Variants in TENM4 observed in about 807,000 individuals in gnomAD.
The protein encoded by TENM4 is teneurin transmembrane protein 4.
Under a neutral mutation model 243.3 loss-of-function variants are expected in TENM4, and 82 were observed. That is an observed-to-expected ratio of 0.34 (90% CI 0.28 to 0.40). TENM4 has a LOEUF of 0.40. Among genes scored for constraint, TENM4 ranks in the 10% least tolerant of loss-of-function variants. TENM4 has a pLI of 1.00. For missense variants in TENM4, 3,138 were observed against 3,673.3 expected (o/e 0.85, Z 3.77); for synonymous variants, 1,412 against 1,456.3 (o/e 0.97, Z 0.69).
chr11:78,948,436 G>A (rs1206205773), intron 6 of TENM4, among the ~76,000 whole-genome samples: 1 of 148,550 alleles, frequency 6.7e-6, no homozygotes. Context: ...TGCAGTGGCA[G>A]TGATCTCGGC....
At chr11:78,742,889 C>G (rs2135916527) in intron 19 of TENM4, among the ~76,000 whole-genome samples, 1 of 152,250 alleles carries the variant, frequency 6.6e-6, no homozygotes, top group Admixed American at 6.5e-5. Flanking sequence ...GTGGCAAGAG[C>G]ACTAGGCTGG....
At chr11:79,311,776 G>C (rs1394912294) in intron 1 of TENM4, among the ~76,000 whole-genome samples, 3 of 152,126 alleles carry the variant, frequency 2.0e-5, no homozygotes, top group African/African-American at 7.2e-5. Flanking sequence ...CTTTGCTCAT[G>C]CTCTTCCTCT....
intron 6 of TENM4, among the ~76,000 whole-genome samples, chr11:78,940,957 C>CT (rs1235489892): frequency 6.6e-6 from 1 of 152,206 alleles, no homozygotes; most frequent in Non-Finnish European, 1.5e-5. Context: ...TCACCTGAGC[C>CT]TTTTTGCCTG....
At chr11:79,380,973 T>C (rs1056038027) in intron 1 of TENM4, among the ~76,000 whole-genome samples, 5 of 152,116 alleles carry the variant, frequency 3.3e-5, no homozygotes, top group Admixed American at 6.5e-5. Context: ...AACTTCCCTG[T>C]AGAATTCTTG....
intron 3 of TENM4, among the ~76,000 whole-genome samples, chr11:79,158,109 C>A (rs999793731): frequency 1.3e-5 from 2 of 152,190 alleles, no homozygotes; most frequent in Non-Finnish European, 2.9e-5. Flanking sequence ...GCTGCTTGCC[C>A]CTGCATCCTT....
intron 2 of TENM4, among the ~76,000 whole-genome samples, chr11:79,296,480 A>T (rs1300420178): frequency 1.3e-5 from 2 of 152,180 alleles, no homozygotes; most frequent in Non-Finnish European, 2.9e-5. Flanking sequence ...GGCGGAGAAA[A>T]CATTGCTTTC....
intron 3 of TENM4, among the ~76,000 whole-genome samples, chr11:79,161,149 C>G (rs1260254789): frequency 1.3e-5 from 2 of 152,176 alleles, no homozygotes; most frequent in African/African-American, 2.4e-5. Context: ...ATTTTATGTG[C>G]AAGAGAAACA....
In TENM4 at chr11:78,805,277, T is replaced by TCCCCACCCACCCCACCCC; in HGVS notation, c.2179+14_2179+15insGGGGTGGGGTGGGTGGGG. 1.4e-6 allele frequency: 2 copies of TCCCCACCCACCCCACCCC among 1,402,548 alleles called. No homozygotes were observed. Among genetic ancestry groups the TCCCCACCCACCCCACCCC allele is most frequent in the Middle Eastern group, 2.1e-4 (1 of 4,800 alleles). The allele number at this position is 1,402,548 out of a possible 1,614,324, so 86.9% of individuals were successfully genotyped here. A position where few individuals can be genotyped will look rare whatever the true frequency, so the allele number is the denominator to read the frequency against. ...CCCCTCCCTCTACCCATGCTTCTTC[T>TCCCCACCCACCCCACCCC]CCCCCTGCATTTACCGATAGAACAG... On this transcript the variant is annotated intron_variant, in intron 15 of 33. Transcript: ENST00000278550.
At chr11:78,804,670 C>T (rs1363421831) in intron 15 of TENM4, among the ~76,000 whole-genome samples, 1 of 152,194 alleles carries the variant, frequency 6.6e-6, no homozygotes, top group Non-Finnish European at 1.5e-5. Context: ...AGAACACATT[C>T]AATCATGTGT....
intron 4 of TENM4, among the ~76,000 whole-genome samples, chr11:79,080,498 G>A (rs997818349): frequency 1.3e-5 from 2 of 152,354 alleles, no homozygotes; most frequent in East Asian, 1.9e-4. Context: ...GGCAGGGAGA[G>A]GAAGATGATC....
chr11:79,404,556 T>G (rs1858528157), intron 1 of TENM4, among the ~76,000 whole-genome samples: 1 of 152,208 alleles, frequency 6.6e-6, no homozygotes, highest in African/African-American at 2.4e-5. Flanking sequence ...ACTGTGAATG[T>G]TTTAAACACC....
chr11:79,202,551 G>T (rs1199916564), intron 3 of TENM4, among the ~76,000 whole-genome samples: 1 of 152,234 alleles, frequency 6.6e-6, no homozygotes, highest in African/African-American at 2.4e-5. Flanking sequence ...AGCCTGCAAA[G>T]GTTCTCTGTC....
chr11:78,756,980 G>C lies in TENM4; in HGVS notation c.2581C>G (p.Pro861Ala). The C allele has an allele frequency of 8.7e-6, 14 of 1,613,970 alleles. No homozygotes were observed. The highest frequency in any genetic ancestry group is 1.2e-5 in the Non-Finnish European group (14 of 1,179,884). Reference protein sequence around the residue: ...DCMDPDCCLQPLCHINPLCLG... With the variant: ...DCMDPDCCLQALCHINPLCLG... ...CACAGCGGGTTGATATGGCACAGGGGCTGGAGGCAGCAGTCAGGGTCCATG... is the reference window on the plus strand; with the variant it reads ...CACAGCGGGTTGATATGGCACAGGGCCTGGAGGCAGCAGTCAGGGTCCATG... The change falls in exon 19 of 34, where the codon CCC becomes GCC. Residue 861 changes from proline (P) to alanine (A), a missense_variant. Pro to Ala is a conservative substitution (Grantham distance 27, BLOSUM62 -1). Transcript: ENST00000278550.
intron 9 of TENM4, among the ~76,000 whole-genome samples, chr11:78,866,759 A>T (rs58314532): frequency 0.012 from 1,834 of 152,330 alleles, 37 homozygotes; most frequent in African/African-American, 0.042. Flanking sequence ...CTCTGTATTC[A>T]ACTCCAACTT....
chr11:79,235,651 C>T (rs1397924540), intron 2 of TENM4, among the ~76,000 whole-genome samples: 1 of 152,170 alleles, frequency 6.6e-6, no homozygotes. Flanking sequence ...GCCTTAGTGT[C>T]AGCCTCCACA....
At chr11:79,402,044 A>C (rs760802299) in intron 1 of TENM4, 5 of 428,332 alleles carry the variant, frequency 1.2e-5, no homozygotes, top group Non-Finnish European at 2.1e-5. Context: ...AGAAGCTCAC[A>C]GTCTAGTTGT....
chr11:78,917,689 G>T (rs1312334111), intron 6 of TENM4, among the ~76,000 whole-genome samples: 4 of 152,144 alleles, frequency 2.6e-5, no homozygotes, highest in Non-Finnish European at 4.4e-5. Context: ...TTGAAGGCTT[G>T]CTGGGCTGCT....
rs144833830 is a variant in TENM4, at chr11:79,387,101, G to A, written c.-321+53408C>T. The stretch of plus-strand genomic sequence containing the variant: ...ATAAACTCCGACTCTATGGAGCAAC[G>A]TGGATAAATCTCACAAACACAATGT... On this transcript the variant is annotated intron_variant, in intron 1 of 33. Transcript: ENST00000278550. 5.8e-3 allele frequency among the ~76,000 whole-genome samples: 890 copies of A among 152,268 alleles called. 6 individuals are homozygous for A. Among genetic ancestry groups the A allele is most frequent in the Middle Eastern group, 0.01 (3 of 294 alleles).
intron 4 of TENM4, among the ~76,000 whole-genome samples, chr11:79,128,939 A>C (rs1266036940): frequency 6.6e-6 from 1 of 152,242 alleles, no homozygotes; most frequent in Non-Finnish European, 1.5e-5. Context: ...CTTTAGCTCC[A>C]GATTGACTAC....
Sources: allele counts gnomAD v4.1 joint callset (sites outside exome capture counted in the v4.1 genomes callset), GRCh38; gene constraint gnomAD v4.1.1; transcripts MANE v1.5; gene names NCBI Gene and HGNC (gene_info 2026-07-23, HGNC 2026-07-21).